The following KCNQ5 variants were observed in gnomAD, a reference collection of about 807,000 sequenced individuals.
KCNQ5 encodes the protein potassium voltage-gated channel subfamily KQT member 5.
A neutral mutation model predicts 98.2 loss-of-function variants in KCNQ5; 30 were observed. The observed-to-expected ratio is 0.31, with a 90% CI of 0.23 to 0.41. The LOEUF (loss-of-function observed/expected upper bound fraction) is 0.41, where lower values mean the gene tolerates loss of function less well. Ranked by LOEUF, KCNQ5 falls within the 10% of genes least tolerant of loss-of-function variation. The pLI, the probability that KCNQ5 is intolerant of heterozygous loss-of-function variation, is 1.00. For missense variants in KCNQ5, 835 were observed against 1,182.5 expected (o/e 0.71, Z 4.31); for synonymous variants, 458 against 449.4 (o/e 1.02, Z -0.24).
At chr6:73,178,361 G>C (rs2150511862) in intron 11 of KCNQ5, among the ~76,000 whole-genome samples, 1 of 151,410 alleles carries the variant, frequency 6.6e-6, no homozygotes, top group Non-Finnish European at 1.5e-5. Context: ...GCTGAGCTGG[G>C]AGGATGGCTT....
At chr6:72,940,435 C>G (rs1423704744) in intron 1 of KCNQ5, among the ~76,000 whole-genome samples, 1 of 152,106 alleles carries the variant, frequency 6.6e-6, no homozygotes, top group East Asian at 1.9e-4. Flanking sequence ...ACTTTAGAGT[C>G]TCCCCAGCCC....
chr6:73,017,165 G>T (rs1770382776), intron 2 of KCNQ5, among the ~76,000 whole-genome samples: 3 of 152,114 alleles, frequency 2.0e-5, no homozygotes, highest in Non-Finnish European at 4.4e-5. Context: ...GCATCGCCCT[G>T]CCCTGGAAGA....
intron 1 of KCNQ5, among the ~76,000 whole-genome samples, chr6:72,870,300 G>GCT (rs574122174): frequency 5.9e-4 from 90 of 152,124 alleles, no homozygotes; most frequent in East Asian, 2.3e-3. Flanking sequence ...TTGGAGACAA[G>GCT]CTCTCTCTCT....
intron 3 of KCNQ5, among the ~76,000 whole-genome samples, chr6:73,046,196 C>T (rs1771950496): frequency 6.6e-6 from 1 of 152,118 alleles, no homozygotes; most frequent in Non-Finnish European, 1.5e-5. Flanking sequence ...TTTTCTGTTT[C>T]TCTGTCTTCT....
At chr6:72,791,642 T>C (rs887703010) in intron 1 of KCNQ5, among the ~76,000 whole-genome samples, 1 of 152,228 alleles carries the variant, frequency 6.6e-6, no homozygotes, top group Non-Finnish European at 1.5e-5. Context: ...AAGCCTGTTT[T>C]GTGCTGCTGT....
At chr6:72,793,939 C>G (rs578255873) in intron 1 of KCNQ5, among the ~76,000 whole-genome samples, 1 of 152,168 alleles carries the variant, frequency 6.6e-6, no homozygotes, top group Non-Finnish European at 1.5e-5. Flanking sequence ...ATTCGGAGAT[C>G]AGAGAATGAG....
At chr6:73,130,307 C>G (rs897985866) in intron 9 of KCNQ5, among the ~76,000 whole-genome samples, 2 of 152,134 alleles carry the variant, frequency 1.3e-5, no homozygotes, top group Non-Finnish European at 1.5e-5. Flanking sequence ...AGAGAACAGC[C>G]GGTAGTAGAC....
chr6:72,742,149 C>T (rs1432442044), intron 1 of KCNQ5, among the ~76,000 whole-genome samples: 1 of 152,032 alleles, frequency 6.6e-6, no homozygotes. Flanking sequence ...GACTTGTGGT[C>T]GGGGGAAGGG....
chr6:72,943,652 G>A (rs892066416), intron 1 of KCNQ5, among the ~76,000 whole-genome samples: 10 of 152,226 alleles, frequency 6.6e-5, no homozygotes, highest in African/African-American at 9.6e-5. Flanking sequence ...CAGTGGCACA[G>A]AGGTTAAGAG....
chr6:72,700,958 A>AT (rs1314958262), intron 1 of KCNQ5, among the ~76,000 whole-genome samples: 3 of 152,234 alleles, frequency 2.0e-5, no homozygotes, highest in African/African-American at 7.2e-5. Context: ...TTTAAGAGCA[A>AT]TTCACATAGT....
At chr6:73,133,296 T>C (rs1776311398) in intron 9 of KCNQ5, 125 bp from the exon 10 acceptor site, 1 of 742,258 alleles carries the variant, frequency 1.3e-6, no homozygotes, top group Admixed American at 2.9e-5. Flanking sequence ...ATTGCTATGC[T>C]CCTACGTGCT....
intron 1 of KCNQ5, among the ~76,000 whole-genome samples, chr6:72,790,148 A>G (rs1773963142): frequency 6.6e-6 from 1 of 152,250 alleles, no homozygotes; most frequent in Admixed American, 6.5e-5. Flanking sequence ...GATGCTTAAG[A>G]AGTTATACTA....
At chr6:72,917,562 T>G (rs1780206874) in intron 1 of KCNQ5, among the ~76,000 whole-genome samples, 1 of 151,994 alleles carries the variant, frequency 6.6e-6, no homozygotes, top group African/African-American at 2.4e-5. Context: ...AACCTCCACC[T>G]CCCAGGTTCA....
intron 1 of KCNQ5, among the ~76,000 whole-genome samples, chr6:72,719,236 G>A (rs1769820766): frequency 6.6e-6 from 1 of 152,152 alleles, no homozygotes; most frequent in Admixed American, 6.5e-5. Flanking sequence ...TCACTGTGAG[G>A]CATATTTTGA....
chr6:73,005,632 CT>C (rs144247043), intron 2 of KCNQ5, among the ~76,000 whole-genome samples: 8,123 of 152,198 alleles, frequency 0.053, 730 homozygotes, highest in African/African-American at 0.19. Flanking sequence ...CTTTTAAAAC[CT>C]GTTAAATAGT....
intron 1 of KCNQ5, among the ~76,000 whole-genome samples, chr6:72,869,865 G>A (rs912966313): frequency 6.6e-6 from 1 of 152,212 alleles, no homozygotes; most frequent in Admixed American, 6.5e-5. Flanking sequence ...CAAAGCCAGG[G>A]TGCGATGAGG....
chr6:72,801,802 G>A (rs1237084535), intron 1 of KCNQ5, among the ~76,000 whole-genome samples: 1 of 152,008 alleles, frequency 6.6e-6, no homozygotes, highest in Non-Finnish European at 1.5e-5. Context: ...TCCTTCAGGA[G>A]CTCTTTTAGG....
intron 1 of KCNQ5, among the ~76,000 whole-genome samples, chr6:72,759,326 A>G (rs1312822310): frequency 1.3e-5 from 2 of 152,142 alleles, no homozygotes; most frequent in South Asian, 2.1e-4. Flanking sequence ...CCTTTTCTCC[A>G]GGGCTTCCTG....
intron 1 of KCNQ5, among the ~76,000 whole-genome samples, chr6:72,933,504 C>A (rs983606622): frequency 6.6e-6 from 1 of 152,134 alleles, no homozygotes; most frequent in Non-Finnish European, 1.5e-5. Context: ...CTAACCATAT[C>A]GTGTTTGCTC....
Sources: gnomAD v4.1 joint callset for allele counts (sites outside exome capture counted in the v4.1 genomes callset) on GRCh38, gnomAD v4.1.1 for gene constraint, MANE v1.5 for transcripts, NCBI Gene and HGNC (gene_info 2026-07-23, HGNC 2026-07-21) for gene names.